The following STARD5 variants were observed in gnomAD, a reference collection of about 807,000 sequenced individuals.
The protein encoded by STARD5 is StAR related lipid transfer domain containing 5, also known as stAR-related lipid transfer protein 5.
Under a neutral mutation model 24.6 loss-of-function variants are expected in STARD5, and 26 were observed. The observed-to-expected ratio is 1.06, with a 90% CI of 0.77 to 1.47. STARD5 has a LOEUF of 1.47. Ranked by LOEUF, STARD5 falls within the 40% of genes most tolerant of loss-of-function variation. The pLI is 0.00. For missense variants in STARD5, 254 were observed against 270.8 expected (o/e 0.94, Z 0.44); for synonymous variants, 101 against 99.7 (o/e 1.01, Z -0.07).
intron 3 of STARD5, among the ~76,000 whole-genome samples, chr15:81,320,119 AGAGTGGGG>A (rs1342574799): frequency 2.6e-5 from 4 of 152,110 alleles, no homozygotes; most frequent in Non-Finnish European, 5.9e-5. Flanking sequence ...ATCCTGCAAG[AGAGTGGGG>A]CCCAGGCTCT....
rs556880428 is a variant in STARD5 at position 81,312,508 on chromosome 15, G to T, written c.*748C>A. 1.5e-4 allele frequency: 23 copies of T among 152,360 alleles called. No individual in the cohort carries two copies. The highest frequency in any genetic ancestry group is 5.3e-4 in the African/African-American group (22 of 41,578). 9.4% of individuals were successfully genotyped at this position (152,360 alleles called of 1,614,324 possible). On this transcript the variant is annotated 3_prime_UTR_variant, in exon 6 of 6. Coordinates refer to ENST00000302824, the MANE Select transcript of STARD5 (RefSeq NM_181900.3). ...GAGTTCCCCATGCAGACATGAGTGC[G>T]TGCTCAGTTCAGAATCACTTCTGAG...
At chr15:81,321,429 G>A (rs1382233604) in intron 3 of STARD5, among the ~76,000 whole-genome samples, 1 of 151,978 alleles carries the variant, frequency 6.6e-6, no homozygotes, top group Non-Finnish European at 1.5e-5. Flanking sequence ...AGCCAATATG[G>A]TGAAACTCCG....
At chr15:81,322,989 G>A (rs560669120) in intron 1 of STARD5, 41 bp from the exon 2 acceptor site, 1 of 1,608,792 alleles carries the variant, frequency 6.2e-7, no homozygotes, top group South Asian at 1.1e-5. Flanking sequence ...AGAGCTAGAA[G>A]GGCTCTGGTC....
At chr15:81,322,634 C>G in intron 2 of STARD5, 94 bp from the exon 3 acceptor site, 1 of 1,578,026 alleles carries the variant, frequency 6.3e-7, no homozygotes, top group Non-Finnish European at 8.7e-7. Context: ...CATGCCATGT[C>G]TGTCACTACT....
Position 81,309,857 on chromosome 15 carries a change from C to T in STARD5, c.*3399G>A, listed in dbSNP as rs973603476. The T allele has an allele frequency of 2.0e-5, 3 of 152,216 alleles. No individual in the cohort carries two copies. Among genetic ancestry groups the T allele is most frequent in the Non-Finnish European group, 4.4e-5 (3 of 68,058 alleles). The allele number at this position is 152,216 out of a possible 1,614,324, so 9.4% of individuals were successfully genotyped here. A position where few individuals can be genotyped will look rare whatever the true frequency, so the allele number is the denominator to read the frequency against. The stretch of plus-strand genomic sequence containing the variant: ...GCTTCTACGGTGTATGGTTCTGTGC[C>T]AATGTATTGATAAGAGGGCACACAC... On this transcript the variant is annotated 3_prime_UTR_variant, in exon 6 of 6. Coordinates refer to ENST00000302824, the MANE Select transcript of STARD5 (RefSeq NM_181900.3).
At chr15:81,323,002 C>G in intron 1 of STARD5, 54 bp from the exon 2 acceptor site, 1 of 1,600,312 alleles carries the variant, frequency 6.2e-7, no homozygotes, top group South Asian at 1.1e-5. Context: ...CTCTGGTCAC[C>G]TGGCTTAATC....
At position 81,314,906 on chromosome 15, in the gene STARD5, A is replaced by AC. The variant is rs1311208692; in HGVS notation, c.495-1504_495-1503insG. Among the ~76,000 whole-genome samples the AC allele has an allele frequency of 8.0e-5, 12 of 150,374 alleles. No individual in the cohort carries two copies. In the South Asian group the frequency reaches 1.5e-3, roughly 19 times the overall value. On this transcript the variant is annotated intron_variant, in intron 5 of 5. Transcript: ENST00000302824. The stretch of plus-strand genomic sequence containing the variant: ...CACCTCAAAAAAGAAAAAAAAAAAA[A>AC]AAAAAAAAAGAATCTCACTCTTCAA...
intron 5 of STARD5, among the ~76,000 whole-genome samples, chr15:81,315,394 A>AT (rs1440912732): frequency 6.6e-6 from 1 of 152,130 alleles, no homozygotes; most frequent in Non-Finnish European, 1.5e-5. Flanking sequence ...TAGCTCTTGC[A>AT]TGTACACCAT....
chr15:81,324,014 A>G lies in STARD5; in HGVS notation c.86T>C (p.Ile29Thr). ...CTCCTCACTCACGCCTTCCCGGCAAATCTTCCAGCCTGCTGTGTCCCGCCG... is the reference window on the plus strand; with the variant it reads ...CTCCTCACTCACGCCTTCCCGGCAAGTCTTCCAGCCTGCTGTGTCCCGCCG... The part of the protein sequence containing the change: ...QYRRDTAGWK[I>T]CREGNGVSVS... The change falls in exon 1 of 6, where the codon ATT becomes ACT. Residue 29 changes from isoleucine to threonine, a missense_variant. Ile to Thr is a moderately conservative substitution (Grantham distance 89). Coordinates refer to ENST00000302824, the MANE Select transcript of STARD5 (RefSeq NM_181900.3). 1 of 1,602,226 alleles carries G rather than the reference A, an allele frequency of 6.2e-7. No homozygotes were observed. Among genetic ancestry groups the G allele is most frequent in the Non-Finnish European group, 8.5e-7 (1 of 1,174,234 alleles).
In STARD5 at chr15:81,324,125, G is replaced by T; in HGVS notation, c.-26C>A. 7.5e-7 allele frequency: 1 copy of T among 1,325,832 alleles called. No individual in the cohort carries two copies. Among genetic ancestry groups the T allele is most frequent in the Non-Finnish European group, 9.7e-7 (1 of 1,028,924 alleles). 82.1% of individuals were successfully genotyped at this position (1,325,832 alleles called of 1,614,324 possible). ...TGCGTCGGGAGCTGCGCTTAGCTGC[G>T]GGGTCGCGGGTGTTATGAGCGGCGG... is the stretch of plus-strand genomic sequence containing the variant. On this transcript the variant is annotated 5_prime_UTR_variant, in exon 1 of 6. Transcript: ENST00000302824.
chr15:81,320,797 C>T (rs892313767), intron 3 of STARD5, among the ~76,000 whole-genome samples: 14 of 152,118 alleles, frequency 9.2e-5, no homozygotes, highest in African/African-American at 3.1e-4. Context: ...CCAAGTGCAT[C>T]ATTCCTGAGG....
intron 5 of STARD5, among the ~76,000 whole-genome samples, chr15:81,315,512 G>C (rs1462803648): frequency 6.6e-6 from 1 of 152,154 alleles, no homozygotes; most frequent in Admixed American, 6.6e-5. Flanking sequence ...GTTGCTAGAA[G>C]GATTTAATGA....
chr15:81,322,614 G>C (rs1893312342), intron 2 of STARD5, 74 bp from the exon 3 acceptor site: 4 of 1,603,030 alleles, frequency 2.5e-6, no homozygotes, highest in Non-Finnish European at 3.4e-6. Flanking sequence ...CTAAGGACTA[G>C]AAGGTGGACC....
At position 81,324,070 on chromosome 15, in the gene STARD5, G is replaced by T; in HGVS notation, c.30C>A (p.Ser10Arg). 1 of 1,546,020 alleles carries T rather than the reference G, an allele frequency of 6.5e-7. No homozygotes were observed. Among genetic ancestry groups the T allele is most frequent in the East Asian group, 2.4e-5 (1 of 41,254 alleles). ...GGAGCATCTTCTCGGCCACAGCCTC[G>T]CTCATCTGGGCTGCCAGCGCCGGGT... MDPALAAQM[S>R]EAVAEKMLQY... The change falls in exon 1 of 6, where the codon AGC (serine) becomes AGA (arginine). Residue 10 changes from serine to arginine, a missense_variant. Coordinates refer to ENST00000302824, the MANE Select transcript of STARD5 (RefSeq NM_181900.3).
chr15:81,321,630 C>A (rs1032550125), intron 3 of STARD5, among the ~76,000 whole-genome samples: 1 of 151,544 alleles, frequency 6.6e-6, no homozygotes, highest in Non-Finnish European at 1.5e-5. Context: ...AAATTAGTCT[C>A]ATGATTACAT....
At chr15:81,323,222 G>T (rs974944967) in intron 1 of STARD5, 3 of 493,110 alleles carry the variant, frequency 6.1e-6, no homozygotes, top group African/African-American at 5.8e-5. Context: ...CTGTTTCCTT[G>T]AGCAACCCAG....
Position 81,309,867 on chromosome 15 carries a change from A to G in STARD5, c.*3389T>C, listed in dbSNP as rs1900765565. The G allele has an allele frequency of 6.6e-6, 1 of 152,250 alleles. No individual in the cohort carries two copies. Among genetic ancestry groups the G allele is most frequent in the Non-Finnish European group, 1.5e-5 (1 of 68,054 alleles). 9.4% of individuals were successfully genotyped at this position (152,250 alleles called of 1,614,324 possible). ...TGTATGGTTCTGTGCCAATGTATTGATAAGAGGGCACACACTGTGTACAGT... is the reference window on the plus strand; with the variant it reads ...TGTATGGTTCTGTGCCAATGTATTGGTAAGAGGGCACACACTGTGTACAGT... On this transcript the variant is annotated 3_prime_UTR_variant, in exon 6 of 6. Coordinates refer to ENST00000302824, the MANE Select transcript of STARD5 (RefSeq NM_181900.3).
At position 81,311,952 on chromosome 15, in the gene STARD5, A is replaced by T. The variant is rs17875563; in HGVS notation, c.*1304T>A. 0.23 allele frequency: 34,399 copies of T among 152,202 alleles called. 3,944 individuals are homozygous for T. The highest frequency in any genetic ancestry group is 0.28 in the East Asian group (1,450 of 5,184). The allele number at this position is 152,202 out of a possible 1,614,324, so 9.4% of individuals were successfully genotyped here. A position where few individuals can be genotyped will look rare whatever the true frequency, so the allele number is the denominator to read the frequency against. ...TCACATCTTGGCACATTTAAGAGAC[A>T]GTCACCCCAGGACTCAAAAATAGGG... On this transcript the variant is annotated 3_prime_UTR_variant, in exon 6 of 6. Coordinates refer to ENST00000302824, the MANE Select transcript of STARD5 (RefSeq NM_181900.3).
rs758946268 is a variant in STARD5, at chr15:81,313,358, G to A, written c.540C>T (p.Leu180=). 3 of 1,583,824 alleles carry A rather than the reference G, an allele frequency of 1.9e-6. No homozygotes were observed. Among genetic ancestry groups the A allele is most frequent in the Non-Finnish European group, 2.6e-6 (3 of 1,165,334 alleles). The part of the protein sequence containing the change: ...TNLVTFFHTD[L]SGYLPQNVVD... The stretch of plus-strand genomic sequence containing the variant: ...CCACGTTCTGTGGGAGGTAACCGCT[G>A]AGGTCGGTATGGAAGAATGTGACCA... The change falls in exon 6 of 6, where the codon CTC becomes CTT. Residue 180 remains leucine, a synonymous_variant. Transcript: ENST00000302824.
Sources: gnomAD v4.1 joint callset for allele counts (sites outside exome capture counted in the v4.1 genomes callset) on GRCh38, gnomAD v4.1.1 for gene constraint, MANE v1.5 for transcripts, NCBI Gene and HGNC (gene_info 2026-07-23, HGNC 2026-07-21) for gene names.